ACSL3: variants seen among roughly 807,000 people sequenced by gnomAD.
ACSL3 encodes the protein acyl-CoA synthetase long chain family member 3, also known as fatty acid CoA ligase Acsl3.
A neutral mutation model predicts 84.7 loss-of-function variants in ACSL3; 34 were observed. The ratio of observed to expected loss-of-function variants is 0.40; its 90% CI spans 0.31 to 0.53. The LOEUF (loss-of-function observed/expected upper bound fraction) is 0.53, where lower values mean the gene tolerates loss of function less well. ACSL3 is among the 20% of genes least tolerant of loss of function. The pLI is 0.48. For missense variants in ACSL3, 680 were observed against 873.1 expected (o/e 0.78, Z 2.79); for synonymous variants, 315 against 299.4 (o/e 1.05, Z -0.54).
At chr2:222,921,123 G>C (rs578027648) in intron 7 of ACSL3, 157 bp from the exon 8 acceptor site, 8 of 803,488 alleles carry the variant, frequency 1.0e-5, no homozygotes, top group Non-Finnish European at 1.7e-5. Flanking sequence ...GCAGGGACTT[G>C]ATCTGTTTTG....
At chr2:222,879,609 T>G (rs1034526896) in intron 1 of ACSL3, among the ~76,000 whole-genome samples, 1 of 152,218 alleles carries the variant, frequency 6.6e-6, no homozygotes, top group Non-Finnish European at 1.5e-5. Context: ...GCTGCTTCTG[T>G]CTCTCTCCAA....
At chr2:222,939,891 CAT>C (rs1697261360) in intron 16 of ACSL3, among the ~76,000 whole-genome samples, 1 of 152,174 alleles carries the variant, frequency 6.6e-6, no homozygotes, top group South Asian at 2.1e-4. Context: ...TTTCATGTAT[CAT>C]ATGGCTAGCT....
chr2:222,914,368 A>T (rs1696522725), intron 4 of ACSL3, among the ~76,000 whole-genome samples: 1 of 151,502 alleles, frequency 6.6e-6, no homozygotes, highest in Admixed American at 6.6e-5. Context: ...GGGTCAGGTG[A>T]TCCTTTTGCC....
intron 2 of ACSL3, among the ~76,000 whole-genome samples, chr2:222,893,379 T>C (rs1695887548): frequency 6.6e-6 from 1 of 152,184 alleles, no homozygotes; most frequent in African/African-American, 2.4e-5. Context: ...AATACCATTG[T>C]TGACTTCTTC....
In ACSL3 at chr2:222,889,270, C is replaced by T. The variant is rs181629824; in HGVS notation, c.-148+1382C>T. On this transcript the variant is annotated intron_variant, in intron 2 of 16. Transcript: ENST00000357430. ...TAGGATATTTGAGGAGGGAAAAGGC[C>T]GTCAGAAACTGATGTGGGAGGGTGG... Among the ~76,000 whole-genome samples, 12 of 152,064 alleles carry T rather than the reference C, an allele frequency of 7.9e-5. No homozygotes were observed. In the East Asian group the frequency reaches 1.2e-3, roughly 15 times the overall value.
intron 11 of ACSL3, 47 bp from the exon 12 acceptor site, chr2:222,926,970 T>C (rs905237197): frequency 4.4e-6 from 7 of 1,583,700 alleles, no homozygotes; most frequent in African/African-American, 4.1e-5. Flanking sequence ...ATTTGGAAAA[T>C]CCCATTCAGT....
In ACSL3 at chr2:222,916,181, G is replaced by A. The variant is rs1354203686; in HGVS notation, c.379-138G>A. 42 of 525,344 alleles carry A rather than the reference G, an allele frequency of 8.0e-5. 1 individual carries two copies. In the East Asian group the frequency reaches 1.4e-3, roughly 18 times the overall value. 32.5% of individuals were successfully genotyped at this position (525,344 alleles called of 1,614,324 possible). ...AAAATAGATTTTTCACTCAAACTCAGTTTCTGGCTTTTTATTAAAAAGATA... is the reference window on the plus strand; with the variant it reads ...AAAATAGATTTTTCACTCAAACTCAATTTCTGGCTTTTTATTAAAAAGATA... On this transcript the variant is annotated intron_variant, in intron 4 of 16. Coordinates refer to ENST00000357430, the MANE Select transcript of ACSL3 (RefSeq NM_004457.5).
intron 16 of ACSL3, 40 bp downstream of exon 16, chr2:222,934,727 G>A (rs371856738): frequency 1.3e-5 from 20 of 1,591,258 alleles, no homozygotes; most frequent in East Asian, 2.3e-5. Context: ...ACTGAGATGG[G>A]AAGAGAGTAC....
chr2:222,938,139 ATTAC>A (rs979253884), intron 16 of ACSL3, among the ~76,000 whole-genome samples: 1 of 152,146 alleles, frequency 6.6e-6, no homozygotes, highest in Non-Finnish European at 1.5e-5. Context: ...TAGATTCATA[ATTAC>A]TTTTTATGTC....
At chr2:222,940,736 T>G (rs1182619000) in intron 16 of ACSL3, among the ~76,000 whole-genome samples, 1 of 152,216 alleles carries the variant, frequency 6.6e-6, no homozygotes, top group East Asian at 1.9e-4. Context: ...GCAGCCTAGA[T>G]GTATATATAG....
At chr2:222,917,900 A>G in intron 5 of ACSL3, 146 bp from the exon 6 acceptor site, 1 of 473,954 alleles carries the variant, frequency 2.1e-6, no homozygotes. Context: ...ATGATAAGAT[A>G]ACTTTAAAAA....
chr2:222,894,136 C>G lies in ACSL3; in HGVS notation c.-148+6248C>G, dbSNP rs556683533. 1.1e-3 allele frequency among the ~76,000 whole-genome samples: 165 copies of G among 152,202 alleles called. 1 individual carries two copies. The highest frequency in any genetic ancestry group is 3.7e-3 in the African/African-American group (154 of 41,508). On this transcript the variant is annotated intron_variant, in intron 2 of 16. Coordinates refer to ENST00000357430, the MANE Select transcript of ACSL3 (RefSeq NM_004457.5). ...TTTTATTTTAACATCCACTTCATAC[C>G]TTTTGGAAGTATATCATTTGAAAGT...
intron 1 of ACSL3, among the ~76,000 whole-genome samples, chr2:222,880,855 A>AC (rs973387195): frequency 2.6e-5 from 4 of 151,160 alleles, no homozygotes; most frequent in Non-Finnish European, 5.9e-5. Flanking sequence ...ACAAAAAAAA[A>AC]CCTGTCTATT....
intron 1 of ACSL3, among the ~76,000 whole-genome samples, chr2:222,876,376 C>CCA (rs2106089201): frequency 6.6e-6 from 1 of 152,116 alleles, no homozygotes; most frequent in East Asian, 1.9e-4. Flanking sequence ...GGCTGAAGTG[C>CCA]CATGGCACAA....
chr2:222,937,983 A>G (rs548547775), intron 16 of ACSL3, among the ~76,000 whole-genome samples: 24 of 152,208 alleles, frequency 1.6e-4, no homozygotes, highest in Admixed American at 1.1e-3. Flanking sequence ...GTGGTTGTCA[A>G]TACAGTTACA....
intron 3 of ACSL3, 59 bp from the exon 4 acceptor site, chr2:222,908,674 T>G (rs1171317027): frequency 8.0e-7 from 1 of 1,245,416 alleles, no homozygotes; most frequent in Non-Finnish European, 1.1e-6. Context: ...CGATGTAACT[T>G]TTCTTTAAAT....
At chr2:222,915,388 C>A (rs772006549) in intron 4 of ACSL3, among the ~76,000 whole-genome samples, 6 of 152,146 alleles carry the variant, frequency 3.9e-5, no homozygotes, top group Admixed American at 1.3e-4. Flanking sequence ...CCAACCTCTT[C>A]TAGAAATTTC....
intron 1 of ACSL3, among the ~76,000 whole-genome samples, chr2:222,886,420 T>C (rs182863097): frequency 9.2e-5 from 14 of 152,234 alleles, no homozygotes; most frequent in Admixed American, 6.5e-5. Context: ...TTCTTTTTTA[T>C]GGCTGCAAGG....
At chr2:222,908,433 C>T (rs1033783305) in intron 3 of ACSL3, among the ~76,000 whole-genome samples, 4 of 152,186 alleles carry the variant, frequency 2.6e-5, no homozygotes, top group African/African-American at 9.6e-5. Flanking sequence ...AATTTTTGGT[C>T]TTCCCCCAAC....
Sources: gnomAD v4.1 joint callset for allele counts (sites outside exome capture counted in the v4.1 genomes callset) on GRCh38, gnomAD v4.1.1 for gene constraint, MANE v1.5 for transcripts, NCBI Gene and HGNC (gene_info 2026-07-23, HGNC 2026-07-21) for gene names.